Variants in SNRNP40 observed in about 807,000 individuals in gnomAD.
SNRNP40 encodes small nuclear ribonucleoprotein U5 subunit 40, also known as U5 small nuclear ribonucleoprotein 40 kDa protein.
SNRNP40 carries 21 observed loss-of-function variants against 45.8 expected under a neutral mutation model. That is an observed-to-expected ratio of 0.46 (90% CI 0.32 to 0.66). The LOEUF is 0.66. Ranked by LOEUF, SNRNP40 falls within the 30% of genes least tolerant of loss-of-function variation. The pLI is 0.03. For synonymous variants in SNRNP40, 142 were observed against 163.8 expected, an observed-to-expected ratio of 0.87 and a Z score of 1.01; for missense variants, 344 against 439.1, an observed-to-expected ratio of 0.78 and a Z score of 1.94.
chr1:31,262,081 A>G (rs902541917), intron 8 of SNRNP40, among the ~76,000 whole-genome samples: 8 of 152,258 alleles, frequency 5.3e-5, no homozygotes, highest in Non-Finnish European at 8.8e-5. Flanking sequence ...GTATTCAAAC[A>G]GAGACCTGAG....
chr1:31,283,774 G>A (rs543760064), intron 4 of SNRNP40, among the ~76,000 whole-genome samples: 87 of 152,300 alleles, frequency 5.7e-4, no homozygotes, highest in African/African-American at 1.9e-3. Flanking sequence ...AGTAACTATG[G>A]TCCATATAGA....
Position 31,259,809 on chromosome 1 carries a change from G to T in SNRNP40, c.*263C>A. 1 of 610,004 alleles carries T rather than the reference G, an allele frequency of 1.6e-6. No individual in the cohort carries two copies. The highest frequency in any genetic ancestry group is 3.0e-6 in the Non-Finnish European group (1 of 335,422). The allele number at this position is 610,004 out of a possible 1,614,324, so 37.8% of individuals were successfully genotyped here. On this transcript the variant is annotated 3_prime_UTR_variant, in exon 10 of 10. Coordinates refer to ENST00000263694, the MANE Select transcript of SNRNP40 (RefSeq NM_004814.3). Reference sequence around the variant, plus strand: ...AATTTGTCACATTGGGCCTGCATTAGAAAACAGGAAAAAAGAAAAAGAAAA... The same window carrying T: ...AATTTGTCACATTGGGCCTGCATTATAAAACAGGAAAAAAGAAAAAGAAAA...
intron 4 of SNRNP40, among the ~76,000 whole-genome samples, chr1:31,282,695 G>A (rs1198514923): frequency 6.7e-6 from 1 of 149,740 alleles, no homozygotes; most frequent in Non-Finnish European, 1.5e-5. Context: ...ATCTATCTAG[G>A]GACAGACTCT....
At chr1:31,290,891 A>AAAAT (rs745506935) in intron 3 of SNRNP40, among the ~76,000 whole-genome samples, 18 of 152,056 alleles carry the variant, frequency 1.2e-4, no homozygotes, top group Non-Finnish European at 2.1e-4. Flanking sequence ...AAAATAAAAT[A>AAAAT]AAATAAATAA....
At chr1:31,262,214 G>A (rs1025272696) in intron 8 of SNRNP40, among the ~76,000 whole-genome samples, 9 of 151,978 alleles carry the variant, frequency 5.9e-5, no homozygotes, top group Non-Finnish European at 1.2e-4. Context: ...AATGGGAAGG[G>A]GCCAAGAGAA....
At chr1:31,264,034 A>C (rs1645879159) in intron 8 of SNRNP40, among the ~76,000 whole-genome samples, 1 of 152,146 alleles carries the variant, frequency 6.6e-6, no homozygotes, top group Non-Finnish European at 1.5e-5. Flanking sequence ...GGTAAATATA[A>C]AGGGCTGGTA....
At chr1:31,295,625 A>G (rs1486367224) in intron 1 of SNRNP40, among the ~76,000 whole-genome samples, 1 of 152,102 alleles carries the variant, frequency 6.6e-6, no homozygotes, top group Non-Finnish European at 1.5e-5. Flanking sequence ...GAGGGCAAAT[A>G]ATTACAAGAA....
rs1385205320 is a variant in SNRNP40, at chr1:31,259,794, A to AT, written c.*277dup. 1.7e-6 allele frequency: 1 copy of AT among 597,968 alleles called. No homozygotes were observed. The highest frequency in any genetic ancestry group is 1.6e-5 in the South Asian group (1 of 61,204). 37.0% of individuals were successfully genotyped at this position (597,968 alleles called of 1,614,324 possible). A position where few individuals can be genotyped will look rare whatever the true frequency, so the allele number is the denominator to read the frequency against. ...AAATCCCAACCAACAAATTTGTCAC[A>AT]TTGGGCCTGCATTAGAAAACAGGAA... On this transcript the variant is annotated 3_prime_UTR_variant, in exon 10 of 10. Transcript: ENST00000263694.
At chr1:31,282,787 T>C (rs1484043928) in intron 4 of SNRNP40, among the ~76,000 whole-genome samples, 1 of 152,136 alleles carries the variant, frequency 6.6e-6, no homozygotes, top group African/African-American at 2.4e-5. Context: ...GCAATTCTCA[T>C]GTCTCAGCCT....
Position 31,267,935 on chromosome 1 carries a change from A to C in SNRNP40, c.859-3T>G, listed in dbSNP as rs755685515. ...GACCAAGAACATCTCAGAAGGTTCT[A>C]TGATAAACAAGAATCCACTGAATAG... On this transcript the variant is annotated splice_region_variant and splice_polypyrimidine_tract_variant and intron_variant, in intron 7 of 9. Coordinates refer to ENST00000263694, the MANE Select transcript of SNRNP40 (RefSeq NM_004814.3). The C allele has an allele frequency of 3.1e-6, 5 of 1,608,944 alleles. No individual in the cohort carries two copies. The highest frequency in any genetic ancestry group is 4.3e-6 in the Non-Finnish European group (5 of 1,175,506).
chr1:31,293,393 G>A, intron 1 of SNRNP40, 45 bp from the exon 2 acceptor site: 3 of 1,542,340 alleles, frequency 1.9e-6, no homozygotes, highest in Non-Finnish European at 2.6e-6. Flanking sequence ...TACAGACAAA[G>A]GAGGCTACAA....
At chr1:31,284,057 C>G (rs1233077365) in intron 4 of SNRNP40, among the ~76,000 whole-genome samples, 1 of 152,166 alleles carries the variant, frequency 6.6e-6, no homozygotes, top group African/African-American at 2.4e-5. Context: ...TTCCTCATCT[C>G]TACAAAATAA....
chr1:31,261,050 A>G (rs1645855315), intron 9 of SNRNP40: 11 of 1,282,650 alleles, frequency 8.6e-6, no homozygotes, highest in Non-Finnish European at 1.1e-5. Context: ...CCACATAAAG[A>G]CTGTTTGCAG....
At chr1:31,296,554 C>T in intron 1 of SNRNP40, 57 bp downstream of exon 1, 3 of 1,545,402 alleles carry the variant, frequency 1.9e-6, no homozygotes, top group South Asian at 1.2e-5. Context: ...CCAGATACAG[C>T]GCTCTGAGGG....
chr1:31,271,036 A>G (rs1018624655), intron 6 of SNRNP40, among the ~76,000 whole-genome samples: 2 of 152,246 alleles, frequency 1.3e-5, no homozygotes, highest in Non-Finnish European at 2.9e-5. Flanking sequence ...AAAACGCACA[A>G]GAACTGCCTT....
chr1:31,278,714 C>T (rs1645992704), intron 5 of SNRNP40, among the ~76,000 whole-genome samples: 1 of 152,078 alleles, frequency 6.6e-6, no homozygotes, highest in Admixed American at 6.5e-5. Flanking sequence ...ACCTATGAGA[C>T]ATTCAAATGG....
chr1:31,278,911 C>T (rs941407956), intron 5 of SNRNP40, among the ~76,000 whole-genome samples: 2 of 152,020 alleles, frequency 1.3e-5, no homozygotes, highest in Admixed American at 1.3e-4. Context: ...GACAGAGTAG[C>T]TCATAATGGT....
chr1:31,271,944 C>G (rs1645941958), intron 5 of SNRNP40, among the ~76,000 whole-genome samples: 1 of 152,142 alleles, frequency 6.6e-6, no homozygotes, highest in Non-Finnish European at 1.5e-5. Flanking sequence ...CAATCTCTGT[C>G]TTTCTAAAAA....
At chr1:31,281,344 A>C (rs1461490554) in intron 5 of SNRNP40, 30 bp downstream of exon 5, 1 of 1,534,578 alleles carries the variant, frequency 6.5e-7, no homozygotes, top group Non-Finnish European at 8.9e-7. Context: ...GATAGATGAA[A>C]TGGAAATATA....
Sources: gnomAD v4.1 joint callset for allele counts (sites outside exome capture counted in the v4.1 genomes callset) on GRCh38, gnomAD v4.1.1 for gene constraint, MANE v1.5 for transcripts, NCBI Gene and HGNC (gene_info 2026-07-23, HGNC 2026-07-21) for gene names.